The following ZBTB20 variants were observed in gnomAD, a reference collection of about 807,000 sequenced individuals.
ZBTB20 encodes zinc finger and BTB domain-containing protein 20.
In ZBTB20, 9 loss-of-function variants were observed where a neutral mutation model predicts 56.9. The observed-to-expected ratio is 0.16, with a 90% confidence interval of 0.10 to 0.28. The LOEUF is 0.28. Ranked by LOEUF, ZBTB20 falls within the 10% of genes least tolerant of loss-of-function variation. ZBTB20 has a pLI of 1.00. For missense variants in ZBTB20, 655 were observed against 1,003.0 expected (o/e 0.65, Z 4.69); for synonymous variants, 417 against 420.7 (o/e 0.99, Z 0.11).
At chr3:114,487,088 G>GAT (rs2042229922) in intron 7 of ZBTB20, among the ~76,000 whole-genome samples, 3 of 152,156 alleles carry the variant, frequency 2.0e-5, no homozygotes, top group Admixed American at 6.5e-5. Flanking sequence ...GTATGTGGAA[G>GAT]ATATATATAT....
intron 7 of ZBTB20, among the ~76,000 whole-genome samples, chr3:114,468,804 A>C (rs2092647106): frequency 6.6e-6 from 1 of 152,110 alleles, no homozygotes; most frequent in African/African-American, 2.4e-5. Context: ...CAAGCAATGA[A>C]AGAAAAGTCA....
intron 5 of ZBTB20, among the ~76,000 whole-genome samples, chr3:114,777,996 C>A (rs1454926962): frequency 1.4e-5 from 2 of 146,408 alleles, no homozygotes; most frequent in Admixed American, 1.4e-4. Flanking sequence ...ATCGCAAAGA[C>A]AAAAAACCAA....
intron 1 of ZBTB20, among the ~76,000 whole-genome samples, chr3:115,087,097 A>G (rs1476745839): frequency 6.6e-6 from 1 of 151,854 alleles, no homozygotes; most frequent in Non-Finnish European, 1.5e-5. Flanking sequence ...ATGGAAGTCT[A>G]AAATTCTGAT....
chr3:115,037,425 C>A (rs1358797919), intron 2 of ZBTB20, among the ~76,000 whole-genome samples: 1 of 152,138 alleles, frequency 6.6e-6, no homozygotes, highest in East Asian at 1.9e-4. Flanking sequence ...GCTGGGATTA[C>A]AGGCTTGCAC....
chr3:115,042,342 T>A (rs1293314744), intron 2 of ZBTB20, among the ~76,000 whole-genome samples: 1 of 152,198 alleles, frequency 6.6e-6, no homozygotes, highest in African/African-American at 2.4e-5. Context: ...GTAAAACATG[T>A]TAAGGTCCAT....
chr3:115,127,432 A>G (rs1448799786), intron 1 of ZBTB20, among the ~76,000 whole-genome samples: 1 of 152,122 alleles, frequency 6.6e-6, no homozygotes, highest in Admixed American at 6.5e-5. Context: ...TGTACTAAAA[A>G]TACACAAATT....
intron 7 of ZBTB20, among the ~76,000 whole-genome samples, chr3:114,416,517 T>G (rs1329258428): frequency 1.3e-5 from 2 of 152,016 alleles, no homozygotes; most frequent in African/African-American, 2.4e-5. Flanking sequence ...TTTCTCCCCT[T>G]CTAGAAGCTG....
At chr3:114,671,674 C>G (rs1160285818) in intron 6 of ZBTB20, among the ~76,000 whole-genome samples, 1 of 151,056 alleles carries the variant, frequency 6.6e-6, no homozygotes, top group Non-Finnish European at 1.5e-5. Flanking sequence ...CTGGGAATAA[C>G]CAGAGTGTTA....
At chr3:114,848,718 T>G (rs1262190696) in intron 4 of ZBTB20, among the ~76,000 whole-genome samples, 1 of 152,184 alleles carries the variant, frequency 6.6e-6, no homozygotes, top group Non-Finnish European at 1.5e-5. Flanking sequence ...CAATCACCCA[T>G]CTACTAATAT....
intron 7 of ZBTB20, among the ~76,000 whole-genome samples, chr3:114,456,011 C>T (rs1030026995): frequency 1.3e-5 from 2 of 152,062 alleles, no homozygotes; most frequent in African/African-American, 4.8e-5. Flanking sequence ...CACCAGCTAA[C>T]CTAGAGTATT....
chr3:114,875,893 T>C (rs2076173353), intron 4 of ZBTB20, among the ~76,000 whole-genome samples: 1 of 152,074 alleles, frequency 6.6e-6, no homozygotes, highest in Non-Finnish European at 1.5e-5. Flanking sequence ...AAATCTCCTA[T>C]CCCCCAAATT....
intron 7 of ZBTB20, among the ~76,000 whole-genome samples, chr3:114,421,973 A>G (rs2089218897): frequency 6.6e-6 from 1 of 151,988 alleles, no homozygotes; most frequent in African/African-American, 2.4e-5. Flanking sequence ...ATGGCCCCAA[A>G]GACTAATCTG....
At chr3:114,457,906 T>C (rs1022234851) in intron 7 of ZBTB20, among the ~76,000 whole-genome samples, 1 of 152,296 alleles carries the variant, frequency 6.6e-6, no homozygotes, top group African/African-American at 2.4e-5. Flanking sequence ...TCAATGTGTG[T>C]TGAATGAATA....
chr3:114,493,441 C>T (rs945896592), intron 7 of ZBTB20, among the ~76,000 whole-genome samples: 2 of 152,144 alleles, frequency 1.3e-5, no homozygotes, highest in African/African-American at 2.4e-5. Context: ...TGCCACAGTC[C>T]TTCTTAAGTT....
rs185676730 is a variant in ZBTB20, at chr3:114,910,624, A to G, written c.-455-10282T>C. Among the ~76,000 whole-genome samples, 719 of 152,160 alleles carry G rather than the reference A, an allele frequency of 4.7e-3. 4 individuals carry two copies. Among genetic ancestry groups the G allele is most frequent in the Admixed American group, 8.1e-3 (123 of 15,248 alleles). On this transcript the variant is annotated intron_variant, in intron 3 of 11. Transcript: ENST00000675478. ...TAAGTGTTTGATAAGAGTTTTGCAT[A>G]TATTATTTAATCTGTATATCAGCCA...
intron 6 of ZBTB20, among the ~76,000 whole-genome samples, chr3:114,664,496 C>T (rs184784623): frequency 5.3e-5 from 8 of 152,058 alleles, no homozygotes; most frequent in South Asian, 2.1e-4. Context: ...CAAAGGATGG[C>T]GGCAGAAAGA....
chr3:115,083,630 T>G (rs2082875483), intron 1 of ZBTB20, among the ~76,000 whole-genome samples: 1 of 152,048 alleles, frequency 6.6e-6, no homozygotes, highest in Admixed American at 6.6e-5. Flanking sequence ...CAATTCATGT[T>G]AAGTTGATTT....
At chr3:114,923,354 G>C (rs2076029721) in intron 3 of ZBTB20, among the ~76,000 whole-genome samples, 1 of 152,100 alleles carries the variant, frequency 6.6e-6, no homozygotes, top group African/African-American at 2.4e-5. Flanking sequence ...AAATAGTTTG[G>C]TACCAGCATA....
chr3:114,715,630 G>A (rs890881396), intron 5 of ZBTB20, among the ~76,000 whole-genome samples: 4 of 152,190 alleles, frequency 2.6e-5, no homozygotes, highest in African/African-American at 9.7e-5. Flanking sequence ...ACGTTGACCT[G>A]AGAGATATAG....
Sources: allele counts gnomAD v4.1 joint callset (sites outside exome capture counted in the v4.1 genomes callset), GRCh38; gene constraint gnomAD v4.1.1; transcripts MANE v1.5; gene names NCBI Gene and HGNC (gene_info 2026-07-23, HGNC 2026-07-21).